The following RFX7 variants were observed in gnomAD, a reference collection of about 807,000 sequenced individuals.
RFX7 encodes DNA-binding protein RFX7.
Under a neutral mutation model 111.8 loss-of-function variants are expected in RFX7, and 26 were observed. That is an observed-to-expected ratio of 0.23 (90% CI 0.17 to 0.32). The LOEUF (loss-of-function observed/expected upper bound fraction) is 0.32. Ranked by LOEUF, RFX7 falls within the 10% of genes least tolerant of loss-of-function variation. RFX7 has a pLI of 1.00. For missense variants in RFX7, 1,573 were observed against 1,772.9 expected (o/e 0.89, Z 2.02); for synonymous variants, 624 against 624.4 (o/e 1.00, Z 0.01).
chr15:56,104,104 T>C lies in RFX7; in HGVS notation c.402-434A>G, dbSNP rs115797042. Among the ~76,000 whole-genome samples the C allele has an allele frequency of 4.5e-3, 688 of 152,182 alleles. 6 individuals carry two copies. Among genetic ancestry groups the C allele is most frequent in the African/African-American group, 0.016 (662 of 41,520 alleles). Reference sequence around the variant, plus strand: ...GGTGGTTTAAAATTTAGAAACATGATATGTTTGAACTAAAAGGGACCCTAC... The same window carrying C: ...GGTGGTTTAAAATTTAGAAACATGACATGTTTGAACTAAAAGGGACCCTAC... On this transcript the variant is annotated intron_variant, in intron 5 of 9. Transcript: ENST00000559447.
intron 2 of RFX7, among the ~76,000 whole-genome samples, chr15:56,183,762 G>A (rs536323693): frequency 1.4e-3 from 208 of 152,210 alleles, no homozygotes; most frequent in Non-Finnish European, 2.2e-3. Flanking sequence ...TAAACTTTAT[G>A]TAGGACTTTA....
chr15:56,154,775 A>G (rs1167060638), intron 3 of RFX7, among the ~76,000 whole-genome samples: 1 of 152,216 alleles, frequency 6.6e-6, no homozygotes, highest in African/African-American at 2.4e-5. Flanking sequence ...GCCAGAATTG[A>G]CAAGTGAGAT....
At chr15:56,145,775 C>T (rs530483015) in intron 3 of RFX7, among the ~76,000 whole-genome samples, 4 of 152,178 alleles carry the variant, frequency 2.6e-5, no homozygotes, top group Admixed American at 6.5e-5. Context: ...CTTCCAGTCT[C>T]GATTTTTCAC....
At chr15:56,238,281 T>C (rs1410082103) in intron 2 of RFX7, among the ~76,000 whole-genome samples, 2 of 152,178 alleles carry the variant, frequency 1.3e-5, no homozygotes, top group African/African-American at 4.8e-5. Flanking sequence ...AAGAGATTAA[T>C]CACTTAATAT....
chr15:56,187,114 A>T (rs1301338386), intron 2 of RFX7, among the ~76,000 whole-genome samples: 2 of 152,208 alleles, frequency 1.3e-5, no homozygotes, highest in Non-Finnish European at 2.9e-5. Context: ...TACATTCTGG[A>T]CAAAATATAA....
intron 5 of RFX7, among the ~76,000 whole-genome samples, chr15:56,115,942 C>CAA (rs35440094): frequency 1.3e-4 from 13 of 100,010 alleles, no homozygotes; most frequent in African/African-American, 2.0e-4. Flanking sequence ...GACTCCGTCT[C>CAA]AAAAAAAAAA....
chr15:56,232,964 A>C (rs1024582293), intron 2 of RFX7, among the ~76,000 whole-genome samples: 3 of 152,180 alleles, frequency 2.0e-5, no homozygotes. Context: ...AAACTTTCTC[A>C]CATTTTCCTA....
chr15:56,163,181 G>T lies in RFX7; in HGVS notation c.195+16089C>A, dbSNP rs1465205359. Among the ~76,000 whole-genome samples the T allele has an allele frequency of 2.0e-5, 3 of 152,080 alleles. No homozygotes were observed. In the East Asian group the frequency reaches 5.8e-4, roughly 29 times the overall value. Reference sequence around the variant, plus strand: ...GAGAAAGCATGCTTTCTCTTGTAAAGGGAAGAAGATAATTTTTTGGAATTG... The same window carrying T: ...GAGAAAGCATGCTTTCTCTTGTAAATGGAAGAAGATAATTTTTTGGAATTG... On this transcript the variant is annotated intron_variant, in intron 3 of 9. Transcript: ENST00000559447.
At chr15:56,119,776 CAAAAAAAA>C (rs1207159378) in intron 5 of RFX7, among the ~76,000 whole-genome samples, 1 of 65,276 alleles carries the variant, frequency 1.5e-5, no homozygotes, top group Non-Finnish European at 3.4e-5. Context: ...CACTGTGTCT[CAAAAAAAA>C]AAAAAAAAAA....
chr15:56,160,922 A>T (rs531550256), intron 3 of RFX7, among the ~76,000 whole-genome samples: 1 of 152,168 alleles, frequency 6.6e-6, no homozygotes, highest in African/African-American at 2.4e-5. Context: ...TACCTACTAT[A>T]AACAATGTAA....
chr15:56,235,467 C>T (rs1596028768), intron 2 of RFX7, among the ~76,000 whole-genome samples: 1 of 152,246 alleles, frequency 6.6e-6, no homozygotes, highest in African/African-American at 2.4e-5. Context: ...AGCTACTTGA[C>T]AATACAGGTG....
chr15:56,209,295 A>T (rs973567746), intron 2 of RFX7, among the ~76,000 whole-genome samples: 21 of 151,908 alleles, frequency 1.4e-4, no homozygotes, highest in Non-Finnish European at 1.5e-5. Flanking sequence ...AAGAGAAAAA[A>T]AAAAAACCCA....
chr15:56,125,639 GTGTGTGTA>G (rs1458021825), intron 5 of RFX7, among the ~76,000 whole-genome samples: 37 of 143,394 alleles, frequency 2.6e-4, no homozygotes, highest in African/African-American at 8.5e-4. Context: ...GTGTGTGTGT[GTGTGTGTA>G]TGTGGCTAAC....
In RFX7 at chr15:56,095,621, C is replaced by T; in HGVS notation, c.2107G>A (p.Gly703Arg). The T allele has an allele frequency of 6.2e-7, 1 of 1,613,996 alleles. No individual in the cohort carries two copies. The highest frequency in any genetic ancestry group is 1.1e-5 in the South Asian group (1 of 91,082). ...VKKDQKVPHSGKTEGSTAGAQ... is the reference protein window; with the variant it reads ...VKKDQKVPHSRKTEGSTAGAQ... ...CCTGCTGTTGAACCTTCTGTTTTCCCTGAATGTGGAACCTTTTGGTCCTTC... is the reference window on the plus strand; with the variant it reads ...CCTGCTGTTGAACCTTCTGTTTTCCTTGAATGTGGAACCTTTTGGTCCTTC... The change falls in exon 10 of 10, where the codon GGG becomes AGG. Residue 703 changes from glycine to arginine, a missense_variant. By Grantham distance (125) the Gly-to-Arg change is moderately radical (BLOSUM62 -2). Transcript: ENST00000559447.
intron 5 of RFX7, among the ~76,000 whole-genome samples, chr15:56,111,596 G>A (rs2041932330): frequency 6.9e-6 from 1 of 144,656 alleles, no homozygotes; most frequent in East Asian, 2.1e-4. Context: ...CTATTGTCCT[G>A]TGACCCTGCC....
chr15:56,118,686 T>A (rs1429423832), intron 5 of RFX7, among the ~76,000 whole-genome samples: 2 of 152,210 alleles, frequency 1.3e-5, no homozygotes, highest in Admixed American at 6.5e-5. Context: ...GATATCCAGA[T>A]TTCCTTTCTT....
At chr15:56,209,850 T>C (rs2043292786) in intron 2 of RFX7, among the ~76,000 whole-genome samples, 2 of 148,992 alleles carry the variant, frequency 1.3e-5, no homozygotes, top group Admixed American at 1.4e-4. Flanking sequence ...AGAGATAAAA[T>C]AGAATCAAAT....
At position 56,096,038 on chromosome 15, in the gene RFX7, T is replaced by G; in HGVS notation, c.1690A>C (p.Thr564Pro). 1 of 1,613,258 alleles carries G rather than the reference T, an allele frequency of 6.2e-7. No individual in the cohort carries two copies. The highest frequency in any genetic ancestry group is 2.2e-5 in the East Asian group (1 of 44,868). The part of the protein sequence containing the change: ...ENSDEAKAPQ[T>P]PSALLGQKSN... ...TTCTGCCCCAAAAGGGCACTAGGTG[T>G]CTGGGGAGCTTTAGCCTCATCAGAG... is the stretch of plus-strand genomic sequence containing the variant. Residue 564 changes from threonine to proline, a missense_variant, in exon 10 of 10, where the codon ACA becomes CCA. By Grantham distance (38) the Thr-to-Pro change is conservative. This residue lies in a region of RFX7 where 625 missense variants were observed against 632.2 expected (regional missense o/e 0.99). Transcript: ENST00000559447.
At chr15:56,236,300 T>C (rs1402548054) in intron 2 of RFX7, among the ~76,000 whole-genome samples, 1 of 152,188 alleles carries the variant, frequency 6.6e-6, no homozygotes, top group African/African-American at 2.4e-5. Flanking sequence ...GTGCCAAATA[T>C]CTTAATCTCA....
Sources: allele counts gnomAD v4.1 joint callset (sites outside exome capture counted in the v4.1 genomes callset), GRCh38; gene constraint gnomAD v4.1.1; regional missense constraint gnomAD v4.1.1; transcripts MANE v1.5; gene names NCBI Gene and HGNC (gene_info 2026-07-23, HGNC 2026-07-21).